The following CSF2RB variants were observed in gnomAD, a reference collection of about 807,000 sequenced individuals.
CSF2RB encodes the protein colony stimulating factor 2 receptor subunit beta, also known as cytokine receptor common subunit beta.
A neutral mutation model predicts 67.2 loss-of-function variants in CSF2RB; 22 were observed. The ratio of observed to expected loss-of-function variants is 0.33; its 90% CI spans 0.23 to 0.47. CSF2RB has a LOEUF of 0.47. CSF2RB is among the 20% of genes least tolerant of loss of function. CSF2RB has a pLI of 1.00. For missense variants in CSF2RB, 1,113 were observed against 1,174.5 expected (o/e 0.95, Z 0.76); for synonymous variants, 507 against 482.9 (o/e 1.05, Z -0.65).
In CSF2RB at chr22:36,929,405, A is replaced by G. The variant is rs748209868; in HGVS notation, c.395A>G (p.Gln132Arg). The G allele has an allele frequency of 1.2e-5, 19 of 1,614,132 alleles. No individual in the cohort carries two copies. The East Asian group carries it at 3.8e-4, about 32-fold the overall frequency. ...RLTVTLTQHVQPPEPRDLQIS... is the reference protein window; with the variant it reads ...RLTVTLTQHVRPPEPRDLQIS... ...CCCTTCACTTCCTCCCCTCCAGTCCAGCCTCCTGAGCCCAGGGACCTGCAG... is the reference window on the plus strand; with the variant it reads ...CCCTTCACTTCCTCCCCTCCAGTCCGGCCTCCTGAGCCCAGGGACCTGCAG... The change falls in exon 5 of 14, where the codon CAG becomes CGG. Residue 132 changes from glutamine (Q) to arginine (R), a missense_variant. Physicochemically the swap from Gln to Arg is conservative, Grantham distance 43. Around this residue, in one of 2 missense-constraint regions of CSF2RB, gnomAD observed 559 missense variants for 656.5 expected, o/e 0.85. Transcript: ENST00000403662.
chr22:36,937,796 C>T lies in CSF2RB; in HGVS notation c.1988C>T (p.Ala663Val). 1 of 1,592,674 alleles carries T rather than the reference C, an allele frequency of 6.3e-7. No homozygotes were observed. The highest frequency in any genetic ancestry group is 1.3e-5 in the African/African-American group (1 of 74,854). ...GAGAGAAGGCCGAGCCAGGGGGCTGCAGGGAGTCCCTCCCTGGAGTCCGGG... is the reference window on the plus strand; with the variant it reads ...GAGAGAAGGCCGAGCCAGGGGGCTGTAGGGAGTCCCTCCCTGGAGTCCGGG... Reference protein sequence around the residue: ...EVERRPSQGAAGSPSLESGGG... With the variant: ...EVERRPSQGAVGSPSLESGGG... Residue 663 changes from alanine (A) to valine (V), a missense_variant, in exon 14 of 14, where the codon GCA becomes GTA. Physicochemically the swap from Ala to Val is moderately conservative, Grantham distance 64. Around this residue, in one of 2 missense-constraint regions of CSF2RB, gnomAD observed 554 missense variants for 517.9 expected, o/e 1.07. Transcript: ENST00000403662. This position sits in a 1 kb window ranked among gnomAD's most constrained non-coding sequence, Gnocchi z 4.6.
intron 3 of CSF2RB, among the ~76,000 whole-genome samples, chr22:36,924,863 A>G (rs1940974293): frequency 6.6e-6 from 1 of 151,290 alleles, no homozygotes; most frequent in Non-Finnish European, 1.5e-5. Context: ...CTGCCTCCTG[A>G]TGGCAAGACA....
At chr22:36,935,282 C>T in intron 10 of CSF2RB, 69 bp from the exon 11 acceptor site, 2 of 1,445,168 alleles carry the variant, frequency 1.4e-6, no homozygotes, top group Non-Finnish European at 1.9e-6. Context: ...GCACCAACCC[C>T]ACTCCCTGCC....
chr22:36,922,301 C>T lies in CSF2RB; in HGVS notation c.76+18C>T, dbSNP rs1233524218. The stretch of plus-strand genomic sequence containing the variant: ...GGCAGAAGGTGAGTCCCGTGGCTCC[C>T]ACCCACTTCCCTGTCCCTGTCCTCA... On this transcript the variant is annotated intron_variant, in intron 2 of 13. Transcript: ENST00000403662. The T allele has an allele frequency of 6.4e-7, 1 of 1,563,608 alleles. No individual in the cohort carries two copies. The highest frequency in any genetic ancestry group is 1.2e-5 in the South Asian group (1 of 85,048).
In CSF2RB at chr22:36,937,491, A is replaced by C. The variant is rs1941293389; in HGVS notation, c.1683A>C (p.Leu561=). ...GPDTTPAASD[L]PTEQPPSPQP... ...ACACGACTCCAGCTGCCTCAGATCT[A>C]CCCACAGAGCAGCCCCCCAGCCCCC... The change falls in exon 14 of 14, where the codon CTA becomes CTC. Residue 561 remains leucine (L), a synonymous_variant. Transcript: ENST00000403662. This position sits in a 1 kb window ranked among gnomAD's most constrained non-coding sequence, Gnocchi z 4.6. 1 of 1,613,748 alleles carries C rather than the reference A, an allele frequency of 6.2e-7. No individual in the cohort carries two copies. Among genetic ancestry groups the C allele is most frequent in the African/African-American group, 1.3e-5 (1 of 74,872 alleles).
Position 36,922,110 on chromosome 22 carries a change from G to A in CSF2RB, c.-98G>A, listed in dbSNP as rs942980287. The A allele has an allele frequency of 8.6e-7, 1 of 1,167,350 alleles. No homozygotes were observed. Among genetic ancestry groups the A allele is most frequent in the South Asian group, 1.3e-5 (1 of 76,318 alleles). The allele number at this position is 1,167,350 out of a possible 1,614,324, so 72.3% of individuals were successfully genotyped here. ...ATGGGTCTGGCCTGGCTCCCAGCTG[G>A]GCAGGAACACAGGACTTCAGGACAC... On this transcript the variant is annotated 5_prime_UTR_variant, in exon 2 of 14. Transcript: ENST00000403662.
At position 36,940,070 on chromosome 22, in the gene CSF2RB, T is replaced by C. The variant is rs530865282; in HGVS notation, c.*1568T>C. ...ACTTTTGTGATATAGGAAATCCTTG[T>C]ATATATACTTTATTGGTCCCTAGGC... is the stretch of plus-strand genomic sequence containing the variant. On this transcript the variant is annotated 3_prime_UTR_variant, in exon 14 of 14. Coordinates refer to ENST00000403662, the MANE Select transcript of CSF2RB (RefSeq NM_000395.3). 4 of 152,378 alleles carry C rather than the reference T, an allele frequency of 2.6e-5. No individual in the cohort carries two copies. The South Asian group carries it at 8.3e-4, about 32-fold the overall frequency. The allele number at this position is 152,378 out of a possible 1,614,324, so 9.4% of individuals were successfully genotyped here.
chr22:36,919,289 C>T (rs772238065), intron 1 of CSF2RB, among the ~76,000 whole-genome samples: 8 of 152,202 alleles, frequency 5.3e-5, no homozygotes, highest in Non-Finnish European at 8.8e-5. Flanking sequence ...ATTTCTTTCC[C>T]AAACCTAAAG....
At chr22:36,925,805 C>T (rs544541226) in intron 3 of CSF2RB, among the ~76,000 whole-genome samples, 182 bp from the exon 4 acceptor site, 2 of 152,344 alleles carry the variant, frequency 1.3e-5, no homozygotes, top group South Asian at 4.1e-4. Flanking sequence ...ACGCTACACA[C>T]TTTGTTCCAT....
chr22:36,926,393 C>T (rs1941018168), intron 4 of CSF2RB, among the ~76,000 whole-genome samples: 3 of 152,254 alleles, frequency 2.0e-5, no homozygotes, highest in Non-Finnish European at 4.4e-5. Context: ...TACCACCTCC[C>T]ACTAAGCCAT....
intron 8 of CSF2RB, 105 bp from the exon 9 acceptor site, chr22:36,932,660 G>A (rs1253888548): frequency 1.3e-5 from 17 of 1,345,936 alleles, no homozygotes; most frequent in Non-Finnish European, 1.8e-5. Context: ...CAGAACCTGG[G>A]GTCTGGTGCC....
intron 10 of CSF2RB, 95 bp from the exon 11 acceptor site, chr22:36,935,256 G>A: frequency 8.9e-7 from 1 of 1,117,682 alleles, no homozygotes; most frequent in Non-Finnish European, 1.3e-6. Context: ...CACAGAGCGG[G>A]GTCTTAAGGA....
At chr22:36,934,103 G>T in intron 10 of CSF2RB, 109 bp downstream of exon 10, 1 of 1,414,382 alleles carries the variant, frequency 7.1e-7, no homozygotes, top group Non-Finnish European at 9.7e-7. Flanking sequence ...CAACTTGTAG[G>T]TGAGCCGTCT....
At position 36,936,566 on chromosome 22, in the gene CSF2RB, T is replaced by G. The variant is rs780698731; in HGVS notation, c.1482T>G (p.Leu494=). Residue 494 remains leucine, a synonymous_variant, in exon 13 of 14, where the codon CTT becomes CTG. Transcript: ENST00000403662. ...SHLFQNGSAE[L]WPPGSMSAFT... is the part of the protein sequence containing the mutation. ...TCTTGCAGAACGGGAGCGCAGAGCT[T>G]TGGCCCCCAGGCAGCATGTCGGCCT... The G allele has an allele frequency of 6.2e-7, 1 of 1,613,034 alleles. No individual in the cohort carries two copies. Among genetic ancestry groups the G allele is most frequent in the Non-Finnish European group, 8.5e-7 (1 of 1,179,978 alleles).
In CSF2RB at chr22:36,930,367, C is replaced by T. The variant is rs1435356562; in HGVS notation, c.719-8C>T. 1 of 1,613,462 alleles carries T rather than the reference C, an allele frequency of 6.2e-7. No individual in the cohort carries two copies. Among genetic ancestry groups the T allele is most frequent in the East Asian group, 2.2e-5 (1 of 44,872 alleles). ...GACGGAGTACATGAGGACCTGTCTC[C>T]AACCCAGGGGATGAGGCCCAGCCCC... On this transcript the variant is annotated splice_region_variant and splice_polypyrimidine_tract_variant and intron_variant, in intron 6 of 13. Transcript: ENST00000403662.
At chr22:36,936,411 G>T (rs1013534888) in intron 12 of CSF2RB, 138 bp from the exon 13 acceptor site, 4 of 725,876 alleles carry the variant, frequency 5.5e-6, no homozygotes, top group African/African-American at 1.7e-5. Context: ...TCAAAAGGCC[G>T]TGGCCAGTCC....
chr22:36,929,509 G>A lies in CSF2RB; in HGVS notation c.499G>A (p.Gly167Arg), dbSNP rs565413898. 2.1e-5 allele frequency: 34 copies of A among 1,614,198 alleles called. No individual in the cohort carries two copies. The South Asian group carries it at 3.5e-4, about 17-fold the overall frequency. Residue 167 changes from glycine to arginine, a missense_variant, in exon 5 of 14, where the codon GGG becomes AGG. By Grantham distance (125) the Gly-to-Arg change is moderately radical. Around this residue, in one of 2 missense-constraint regions of CSF2RB, gnomAD observed 559 missense variants for 656.5 expected, o/e 0.85. Transcript: ENST00000403662. ...TCCCCAGAGCCACTGGTTGTCCCCA[G>A]GGGATCTGGAGTTTGAGGTGGTCTA... The part of the protein sequence containing the change: ...GSPQSHWLSP[G>R]DLEFEVVYKR...
Position 36,929,815 on chromosome 22 carries a change from T to C in CSF2RB, c.718+8T>C. The C allele has an allele frequency of 6.2e-7, 1 of 1,613,130 alleles. No homozygotes were observed. The highest frequency in any genetic ancestry group is 8.5e-7 in the Non-Finnish European group (1 of 1,179,704). ...GCTGGGACTCCCAGCCAGGTAATGTTGCCAGAGCCCAGGAAATGCCCCGTG... is the reference window on the plus strand; with the variant it reads ...GCTGGGACTCCCAGCCAGGTAATGTCGCCAGAGCCCAGGAAATGCCCCGTG... On this transcript the variant is annotated splice_region_variant and intron_variant, in intron 6 of 13. Transcript: ENST00000403662.
intron 1 of CSF2RB, among the ~76,000 whole-genome samples, chr22:36,919,983 T>C (rs1940816582): frequency 6.6e-6 from 1 of 152,226 alleles, no homozygotes; most frequent in African/African-American, 2.4e-5. Flanking sequence ...GGACAGAGTC[T>C]AGAGGCAGCC....
Sources: gnomAD v4.1 joint callset for allele counts (sites outside exome capture counted in the v4.1 genomes callset) on GRCh38, gnomAD v4.1.1 for gene constraint, gnomAD v4.1.1 regional missense constraint, Gnocchi (gnomAD v3.1) non-coding constraint, MANE v1.5 for transcripts, NCBI Gene and HGNC (gene_info 2026-07-23, HGNC 2026-07-21) for gene names.